ING5: variants seen among roughly 807,000 people sequenced by gnomAD.
The protein encoded by ING5 is inhibitor of growth protein 5.
A neutral mutation model predicts 37.4 loss-of-function variants in ING5; 17 were observed. The observed-to-expected ratio is 0.45, with a 90% CI of 0.31 to 0.68. The LOEUF (loss-of-function observed/expected upper bound fraction) is 0.68, where lower values mean the gene tolerates loss of function less well. Among genes scored for constraint, ING5 ranks in the 30% least tolerant of loss-of-function variants. The pLI is 0.05. For missense variants in ING5, 233 were observed against 311.9 expected (o/e 0.75, Z 1.91); for synonymous variants, 123 against 116.6 (o/e 1.06, Z -0.36).
At chr2:241,694,353 G>A (rs1053563641) in intron 2 of ING5, 5 of 151,922 alleles carry the variant, frequency 3.3e-5, no homozygotes, top group African/African-American at 9.7e-5. Context: ...TGAGGCAGGA[G>A]AATGGCATGA....
upstream of ING5, among the ~76,000 whole-genome samples, chr2:241,701,782 G>A (rs2069731632): frequency 6.6e-6 from 1 of 152,092 alleles, no homozygotes; most frequent in African/African-American, 2.4e-5. Context: ...TGGGTGCCCT[G>A]GGCCGCACGC....
intron 3 of ING5, 72 bp from the exon 4 acceptor site, chr2:241,711,305 A>G: frequency 9.5e-7 from 1 of 1,048,142 alleles, no homozygotes; most frequent in Non-Finnish European, 1.3e-6. Flanking sequence ...CCTGGTGGAT[A>G]CTTTTGTACA....
At chr2:241,712,125 C>T in intron 5 of ING5, 54 bp downstream of exon 5, 1 of 1,376,776 alleles carries the variant, frequency 7.3e-7, no homozygotes. Flanking sequence ...TAGCCTGTAT[C>T]CCGGATGTAG....
upstream of ING5, among the ~76,000 whole-genome samples, chr2:241,701,582 G>A (rs1204867357): frequency 1.3e-5 from 2 of 152,246 alleles, no homozygotes; most frequent in South Asian, 2.1e-4. Flanking sequence ...GGGTCCGGGG[G>A]AAAGGCGCTG....
rs934561650 is a variant in ING5, at chr2:241,727,556, C to G, written c.*2525C>G. 1.3e-5 allele frequency: 2 copies of G among 151,790 alleles called. No individual in the cohort carries two copies. The highest frequency in any genetic ancestry group is 1.3e-4 in the Admixed American group (2 of 15,250). The allele number at this position is 151,790 out of a possible 1,614,324, so 9.4% of individuals were successfully genotyped here. On this transcript the variant is annotated 3_prime_UTR_variant, in exon 8 of 8. Coordinates refer to ENST00000313552, the MANE Select transcript of ING5 (RefSeq NM_032329.6). ...TCTCGAACTCCTGACCTGAAGTGAT[C>G]CACCCGCCTCGACCTCCCAAAGTGC...
At chr2:241,710,958 A>G (rs939955296) in intron 3 of ING5, among the ~76,000 whole-genome samples, 8 of 152,108 alleles carry the variant, frequency 5.3e-5, no homozygotes, top group Admixed American at 2.0e-4. Context: ...CATGTTGGTC[A>G]GGCTGGTTTT....
chr2:241,715,259 A>G (rs1206011824), intron 5 of ING5, among the ~76,000 whole-genome samples: 1 of 151,808 alleles, frequency 6.6e-6, no homozygotes. Context: ...TAGTGGCATG[A>G]TCCTGGCTCA....
chr2:241,698,540 G>GTGT (rs1553580064), upstream of ING5, among the ~76,000 whole-genome samples: 8 of 138,900 alleles, frequency 5.8e-5, no homozygotes, highest in Admixed American at 1.5e-4. Flanking sequence ...TGTGTGTGTG[G>GTGT]AGGAGTATAT....
chr2:241,702,102 A>C lies in ING5; in HGVS notation c.37A>C (p.Ser13Arg). Reference sequence around the variant, plus strand: ...CATGTACTTGGAGCACTATCTGGACAGTAAGCGCGCCCCACGGGCCCCGCG... The same window carrying C: ...CATGTACTTGGAGCACTATCTGGACCGTAAGCGCGCCCCACGGGCCCCGCG... ...TAMYLEHYLD[S>R]IENLPCELQR... Residue 13 changes from serine (S) to arginine (R), a missense_variant and splice_region_variant, in exon 1 of 8, where the codon AGT becomes CGT. Coordinates refer to ENST00000313552, the MANE Select transcript of ING5 (RefSeq NM_032329.6). 7.5e-7 allele frequency: 1 copy of C among 1,341,222 alleles called. No individual in the cohort carries two copies. Among genetic ancestry groups the C allele is most frequent in the Non-Finnish European group, 9.6e-7 (1 of 1,038,320 alleles). The allele number at this position is 1,341,222 out of a possible 1,614,324, so 83.1% of individuals were successfully genotyped here.
chr2:241,723,943 G>C, intron 7 of ING5: 2 of 1,273,704 alleles, frequency 1.6e-6, no homozygotes, highest in South Asian at 2.6e-5. Context: ...CTGGAAGTCC[G>C]AGGCTTCAGT....
At chr2:241,700,147 TA>T, upstream of ING5, among the ~76,000 whole-genome samples, 1 of 131,922 alleles carries the variant, frequency 7.6e-6, no homozygotes, top group Non-Finnish European at 1.6e-5. Context: ...TATGCCCGGC[TA>T]AGTTTTTTTT....
chr2:241,716,089 C>T (rs956200688), intron 5 of ING5, among the ~76,000 whole-genome samples: 4 of 152,048 alleles, frequency 2.6e-5, no homozygotes, highest in African/African-American at 9.7e-5. Context: ...GCATGAGCCA[C>T]CGCACCCGGC....
chr2:241,693,035 C>A (rs2069577414), intron 2 of ING5, among the ~76,000 whole-genome samples: 1 of 151,970 alleles, frequency 6.6e-6, no homozygotes, highest in Non-Finnish European at 1.5e-5. Flanking sequence ...CAGAGGCGGG[C>A]AGATCACGAG....
chr2:241,724,633 T>C, intron 7 of ING5: 1 of 304,722 alleles, frequency 3.3e-6, no homozygotes, highest in Non-Finnish European at 6.2e-6. Context: ...GCTGCCATGC[T>C]CTCAACGCGT....
intron 5 of ING5, among the ~76,000 whole-genome samples, chr2:241,716,692 C>A (rs2070282498): frequency 6.6e-6 from 1 of 152,184 alleles, no homozygotes; most frequent in South Asian, 2.1e-4. Flanking sequence ...ACGTGTGGCT[C>A]CACACAAGTG....
At chr2:241,702,787 T>C (rs531877414) in intron 1 of ING5, among the ~76,000 whole-genome samples, 1 of 152,352 alleles carries the variant, frequency 6.6e-6, no homozygotes, top group South Asian at 2.1e-4. Context: ...GGTCCAGCGC[T>C]GCCGAGCAGC....
chr2:241,721,307 G>C (rs952231000), intron 5 of ING5: 7 of 985,336 alleles, frequency 7.1e-6, no homozygotes, highest in Non-Finnish European at 8.4e-6. Flanking sequence ...TGAAAGCAGT[G>C]TCGGCAGCAC....
intron 1 of ING5, among the ~76,000 whole-genome samples, 183 bp downstream of exon 1, chr2:241,702,285 G>C (rs1469004606): frequency 6.8e-6 from 1 of 148,048 alleles, no homozygotes; most frequent in East Asian, 1.9e-4. Context: ...AGGGCGCGGG[G>C]GGCGGGCGCG....
At chr2:241,723,983 C>T (rs1691500767) in intron 7 of ING5, 1 of 1,319,742 alleles carries the variant, frequency 7.6e-7, no homozygotes, top group Non-Finnish European at 1.0e-6. Context: ...GCACTCCAGC[C>T]TGGGCGAGAG....
Sources: gnomAD v4.1 joint callset for allele counts (sites outside exome capture counted in the v4.1 genomes callset) on GRCh38, gnomAD v4.1.1 for gene constraint, MANE v1.5 for transcripts, NCBI Gene and HGNC (gene_info 2026-07-23, HGNC 2026-07-21) for gene names.